Variants in ASAP2 observed in about 807,000 individuals in gnomAD.
ASAP2 encodes the protein ArfGAP with SH3 domain, ankyrin repeat and PH domain 2, also known as arf-GAP with SH3 domain, ANK repeat and PH domain-containing protein 2.
A neutral mutation model predicts 131.4 loss-of-function variants in ASAP2; 45 were observed. The ratio of observed to expected loss-of-function variants is 0.34; its 90% confidence interval spans 0.27 to 0.44. ASAP2 has a LOEUF of 0.44. Among genes scored for constraint, ASAP2 ranks in the 20% least tolerant of loss-of-function variants. ASAP2 has a pLI of 1.00. For missense variants in ASAP2, 1,011 were observed against 1,297.0 expected (o/e 0.78, Z 3.39); for synonymous variants, 510 against 503.0 (o/e 1.01, Z -0.19).
intron 1 of ASAP2, among the ~76,000 whole-genome samples, chr2:9,237,106 G>C (rs969337380): frequency 6.6e-6 from 1 of 152,208 alleles, no homozygotes; most frequent in Non-Finnish European, 1.5e-5. Flanking sequence ...TCTTGGCTGT[G>C]CGGGCTGGGA....
chr2:9,350,657 A>G (rs555907601), intron 11 of ASAP2, 151 bp from the exon 12 acceptor site: 3 of 576,908 alleles, frequency 5.2e-6, no homozygotes, highest in East Asian at 2.9e-5. Flanking sequence ...AACTTGTCCC[A>G]GTCAAGCCTT....
chr2:9,290,674 A>G (rs1457238843), intron 2 of ASAP2, among the ~76,000 whole-genome samples: 2 of 152,264 alleles, frequency 1.3e-5, no homozygotes, highest in African/African-American at 2.4e-5. Flanking sequence ...GCACTAAAGC[A>G]AGCAAGTCTT....
chr2:9,226,697 A>C (rs1278698367), intron 1 of ASAP2, among the ~76,000 whole-genome samples: 1 of 152,024 alleles, frequency 6.6e-6, no homozygotes, highest in Non-Finnish European at 1.5e-5. Flanking sequence ...GGAGGGGAGG[A>C]CTTGGGAAAC....
At chr2:9,248,880 C>T (rs141589412) in intron 1 of ASAP2, among the ~76,000 whole-genome samples, 8 of 152,274 alleles carry the variant, frequency 5.3e-5, no homozygotes, top group Admixed American at 2.0e-4. Flanking sequence ...TAGGTGGCAA[C>T]GAGGCTGGCT....
At chr2:9,230,730 T>G (rs1663100434) in intron 1 of ASAP2, among the ~76,000 whole-genome samples, 1 of 152,214 alleles carries the variant, frequency 6.6e-6, no homozygotes, top group East Asian at 1.9e-4. Context: ...TTGTTTCACC[T>G]TTTGAAGGAA....
intron 1 of ASAP2, among the ~76,000 whole-genome samples, chr2:9,233,684 C>G (rs1663330007): frequency 3.9e-5 from 6 of 152,222 alleles, no homozygotes; most frequent in Admixed American, 3.9e-4. Context: ...TGCTCATTTA[C>G]TCATTTGTGT....
chr2:9,307,077 C>T (rs576991280), intron 3 of ASAP2, among the ~76,000 whole-genome samples: 42 of 152,318 alleles, frequency 2.8e-4, no homozygotes, highest in African/African-American at 9.9e-4. Context: ...CCAGCAGCAC[C>T]GGAATTGTTA....
At position 9,317,124 on chromosome 2, in the gene ASAP2, C is replaced by T. The variant is rs1300885520; in HGVS notation, c.346-1400C>T. Among the ~76,000 whole-genome samples the T allele has an allele frequency of 6.0e-3, 32 of 5,336 alleles. 1 individual carries two copies. The highest frequency in any genetic ancestry group is 0.011 in the Admixed American group (5 of 450). 3.5% of individuals were successfully genotyped at this position (5,336 alleles called of 152,430 possible). Reference sequence around the variant, plus strand: ...ACACTCATACCCCACGCAATCACAACCACACAACACACATCCCAATCACAC... The same window carrying T: ...ACACTCATACCCCACGCAATCACAATCACACAACACACATCCCAATCACAC... On this transcript the variant is annotated intron_variant, in intron 3 of 27. Coordinates refer to ENST00000281419, the MANE Select transcript of ASAP2 (RefSeq NM_003887.3).
intron 1 of ASAP2, among the ~76,000 whole-genome samples, 193 bp from the exon 2 acceptor site, chr2:9,279,124 A>G (rs575305776): frequency 3.9e-5 from 6 of 152,272 alleles, no homozygotes; most frequent in Admixed American, 3.9e-4. Context: ...TTTGGAAACC[A>G]GTCTTCCACA....
chr2:9,393,485 C>A lies in ASAP2; in HGVS notation c.2522C>A (p.Pro841His). The change falls in exon 24 of 28, where the codon CCC becomes CAC. Residue 841 changes from proline to histidine, a missense_variant. Physicochemically the swap from Pro to His is moderately conservative, Grantham distance 77. Around this residue, in one of 2 missense-constraint regions of ASAP2, gnomAD observed 652 missense variants for 698.9 expected, o/e 0.93. Coordinates refer to ENST00000281419, the MANE Select transcript of ASAP2 (RefSeq NM_003887.3). ...CGTCTCTCCCTGTCCTCCGCAGATCCCCTGACCCCCACGCCGCCCCCACCC... is the reference window on the plus strand; with the variant it reads ...CGTCTCTCCCTGTCCTCCGCAGATCACCTGACCCCCACGCCGCCCCCACCC... Reference protein sequence around the residue: ...LPPLRVTSTNPLTPTPPPPVA... With the variant: ...LPPLRVTSTNHLTPTPPPPVA... 6.2e-7 allele frequency: 1 copy of A among 1,605,532 alleles called. No individual in the cohort carries two copies.
At chr2:9,273,843 CTGCA>C (rs1240402194) in intron 1 of ASAP2, among the ~76,000 whole-genome samples, 1 of 152,228 alleles carries the variant, frequency 6.6e-6, no homozygotes, top group African/African-American at 2.4e-5. Context: ...CAGCCTCCAG[CTGCA>C]TGACTCCTAA....
At chr2:9,303,808 G>A (rs1171194953) in intron 3 of ASAP2, among the ~76,000 whole-genome samples, 1 of 152,184 alleles carries the variant, frequency 6.6e-6, no homozygotes, top group Non-Finnish European at 1.5e-5. Context: ...GTTTCTTTTT[G>A]GGGTTGGGAG....
chr2:9,264,204 T>TAAAAA (rs1246287642), intron 1 of ASAP2, among the ~76,000 whole-genome samples: 5 of 129,070 alleles, frequency 3.9e-5, no homozygotes, highest in African/African-American at 1.4e-4. Context: ...AAAATAATAA[T>TAAAAA]AATAATAATA....
chr2:9,326,453 T>C (rs554632003), intron 6 of ASAP2, among the ~76,000 whole-genome samples: 169 of 145,848 alleles, frequency 1.2e-3, no homozygotes, highest in African/African-American at 4.3e-3. Flanking sequence ...AGTACAGACC[T>C]TCTGTGAGCG....
At chr2:9,373,797 C>G (rs1049690349) in intron 16 of ASAP2, among the ~76,000 whole-genome samples, 2 of 152,218 alleles carry the variant, frequency 1.3e-5, no homozygotes, top group African/African-American at 4.8e-5. Flanking sequence ...TTGCCTGATT[C>G]TCAAGATTCA....
intron 12 of ASAP2, among the ~76,000 whole-genome samples, chr2:9,354,270 T>G (rs1414688994): frequency 1.3e-5 from 2 of 152,226 alleles, no homozygotes; most frequent in Non-Finnish European, 2.9e-5. Flanking sequence ...GCCAGAGCCC[T>G]GGCCACAAGC....
chr2:9,322,658 G>A (rs1188798601), intron 5 of ASAP2, among the ~76,000 whole-genome samples: 1 of 152,196 alleles, frequency 6.6e-6, no homozygotes, highest in Non-Finnish European at 1.5e-5. Context: ...AAAGGTGGTT[G>A]GTCGTCTTCT....
At chr2:9,225,403 T>G (rs1419589827) in intron 1 of ASAP2, among the ~76,000 whole-genome samples, 8 of 152,170 alleles carry the variant, frequency 5.3e-5, no homozygotes, top group Non-Finnish European at 8.8e-5. Context: ...CTTGGTATGG[T>G]GACCCAGGGA....
In ASAP2 at chr2:9,287,833, G is replaced by A. The variant is rs369526140; in HGVS notation, c.199+8444G>A. ...TTTAGATGGTGACTTGTGGAATCCT[G>A]TCCGCAGTGACCACTGCATTAGTCA... On this transcript the variant is annotated intron_variant, in intron 2 of 27. Coordinates refer to ENST00000281419, the MANE Select transcript of ASAP2 (RefSeq NM_003887.3). 3.5e-4 allele frequency among the ~76,000 whole-genome samples: 53 copies of A among 152,332 alleles called. 3 individuals are homozygous for A. Among genetic ancestry groups the A allele is most frequent in the South Asian group, 2.1e-3 (10 of 4,822 alleles).
Sources: allele counts gnomAD v4.1 joint callset (sites outside exome capture counted in the v4.1 genomes callset), GRCh38; gene constraint gnomAD v4.1.1; regional missense constraint gnomAD v4.1.1; transcripts MANE v1.5; gene names NCBI Gene and HGNC (gene_info 2026-07-23, HGNC 2026-07-21).